The following SLC12A9 variants were observed in gnomAD, a reference collection of about 807,000 sequenced individuals.
The protein encoded by SLC12A9 is solute carrier family 12 member 9.
A neutral mutation model predicts 66.0 loss-of-function variants in SLC12A9; 55 were observed. The ratio of observed to expected loss-of-function variants is 0.83; its 90% confidence interval spans 0.67 to 1.04. SLC12A9 has a LOEUF of 1.04. SLC12A9 is among the 50% of genes least tolerant of loss of function. The pLI is 0.00. For synonymous variants in SLC12A9, 577 were observed against 569.0 expected (o/e 1.01, Z -0.20); for missense variants, 1,061 against 1,241.9 (o/e 0.85, Z 2.19).
chr7:100,846,396 C>G (rs549011564), intron 1 of SLC12A9, among the ~76,000 whole-genome samples: 1 of 152,224 alleles, frequency 6.6e-6, no homozygotes, highest in African/African-American at 2.4e-5. Context: ...GAAACCCTGT[C>G]TCTACTAAAA....
chr7:100,851,130 T>TA (rs1814062943), upstream of SLC12A9, among the ~76,000 whole-genome samples: 1 of 152,164 alleles, frequency 6.6e-6, no homozygotes, highest in Non-Finnish European at 1.5e-5. Flanking sequence ...GTCCTGAGAT[T>TA]ACAGGCGTGA....
chr7:100,861,514 C>T lies in SLC12A9; in HGVS notation c.1466C>T (p.Ala489Val). The change falls in exon 11 of 14, where the codon GCT (alanine) becomes GTT (valine). Residue 489 changes from alanine (A) to valine (V), a missense_variant. Physicochemically the swap from Ala to Val is moderately conservative, Grantham distance 64. Transcript: ENST00000354161. This position sits in a 1 kb window ranked among gnomAD's most constrained non-coding sequence, Gnocchi z 5.3. Reference sequence around the variant, plus strand: ...TCCCTGCTCCTCATGGGTCTGCTGGCTGCCCTGCTCACCGCGCGAGGAGGC... The same window carrying T: ...TCCCTGCTCCTCATGGGTCTGCTGGTTGCCCTGCTCACCGCGCGAGGAGGC... ...GGSLLLMGLL[A>V]ALLTARGGPS... 1.2e-6 allele frequency: 2 copies of T among 1,613,878 alleles called. No individual in the cohort carries two copies. The highest frequency in any genetic ancestry group is 8.5e-7 in the Non-Finnish European group (1 of 1,180,028).
At chr7:100,829,006 G>A (rs970940244) in intron 1 of SLC12A9, among the ~76,000 whole-genome samples, 1 of 134,642 alleles carries the variant, frequency 7.4e-6, no homozygotes, top group African/African-American at 2.8e-5. Context: ...TTTTTTTTTT[G>A]AGACAGAGTC....
intron 1 of SLC12A9, among the ~76,000 whole-genome samples, chr7:100,838,256 C>T (rs12531740): frequency 0.057 from 8,686 of 152,264 alleles, 1,460 homozygotes; most frequent in East Asian, 0.57. Flanking sequence ...CTGCCTCCAC[C>T]TTCCAAAGCA....
Position 100,866,402 on chromosome 7 carries a change from G to T in SLC12A9, c.2542G>T (p.Gly848Cys), listed in dbSNP as rs889042248. 9 of 1,537,550 alleles carry T rather than the reference G, an allele frequency of 5.9e-6. No individual in the cohort carries two copies. Among genetic ancestry groups the T allele is most frequent in the South Asian group, 2.4e-5 (2 of 82,234 alleles). The change falls in exon 14 of 14, where the codon GGC (glycine) becomes TGC (cysteine). Residue 848 changes from glycine (G) to cysteine (C), a missense_variant. By Grantham distance (159) the Gly-to-Cys change is radical. Transcript: ENST00000354161. The surrounding 1 kb of genome is among the most constrained non-coding windows in gnomAD (Gnocchi z 7.3). ...NALVRAQQGR[G>C]TGGGPGGPEG... Reference sequence around the variant, plus strand: ...CCTGGTTCGGGCCCAGCAGGGGCGCGGCACAGGAGGAGGGCCGGGTGGGCC... The same window carrying T: ...CCTGGTTCGGGCCCAGCAGGGGCGCTGCACAGGAGGAGGGCCGGGTGGGCC...
In SLC12A9 at chr7:100,854,600, A is replaced by C; in HGVS notation, c.182-20A>C. ...TGGGGTGTGAGTCCCCTGTGACCTG[A>C]TTTGCTGCTCCTGCCTCAGGGTTCG... On this transcript the variant is annotated intron_variant, in intron 2 of 13. Coordinates refer to ENST00000354161, the MANE Select transcript of SLC12A9 (RefSeq NM_020246.4). 2 of 1,613,610 alleles carry C rather than the reference A, an allele frequency of 1.2e-6. No individual in the cohort carries two copies. The highest frequency in any genetic ancestry group is 1.7e-6 in the Non-Finnish European group (2 of 1,179,864).
chr7:100,856,726 A>G, intron 4 of SLC12A9, 142 bp from the exon 5 acceptor site: 1 of 787,980 alleles, frequency 1.3e-6, no homozygotes. Context: ...TGCCCAGGTT[A>G]GTTTTAAACT....
At chr7:100,855,993 T>C (rs1814365466) in intron 4 of SLC12A9, 156 bp downstream of exon 4, 1 of 1,163,428 alleles carries the variant, frequency 8.6e-7, no homozygotes, top group African/African-American at 1.6e-5. Context: ...GTGCAGGAGA[T>C]ATGGACATCC....
upstream of SLC12A9, among the ~76,000 whole-genome samples, chr7:100,851,592 A>C (rs886064159): frequency 5.9e-5 from 9 of 151,834 alleles, no homozygotes; most frequent in East Asian, 1.8e-3. Flanking sequence ...CAGGAGTTCC[A>C]GAGAGGCCTG....
At position 100,866,063 on chromosome 7, in the gene SLC12A9, C is replaced by A; in HGVS notation, c.2203C>A (p.Arg735=). The A allele has an allele frequency of 1.2e-6, 2 of 1,612,938 alleles. No individual in the cohort carries two copies. Among genetic ancestry groups the A allele is most frequent in the East Asian group, 2.2e-5 (1 of 44,870 alleles). ...GTGGCCCCTCAACCTGCTGCGGCCC[C>A]GGGGTGGGCCCGGCTATGTGGATGT... ...DVWPLNLLRP[R]GGPGYVDVCG... is the part of the protein sequence containing the mutation. The change falls in exon 14 of 14, where the codon CGG becomes AGG. Residue 735 remains arginine, a synonymous_variant. Coordinates refer to ENST00000354161, the MANE Select transcript of SLC12A9 (RefSeq NM_020246.4). The surrounding 1 kb of genome is among the most constrained non-coding windows in gnomAD (Gnocchi z 7.3).
chr7:100,865,607 A>T (rs1272957186), intron 13 of SLC12A9, 112 bp from the exon 14 acceptor site: 19 of 1,562,010 alleles, frequency 1.2e-5, no homozygotes, highest in Non-Finnish European at 1.6e-5. Context: ...ACACAGTGGG[A>T]ATGTCATACC....
chr7:100,865,915 C>T lies in SLC12A9; in HGVS notation c.2055C>T (p.Ala685=). The T allele has an allele frequency of 6.2e-7, 1 of 1,613,562 alleles. No homozygotes were observed. The change falls in exon 14 of 14, where the codon GCC becomes GCT. Residue 685 remains alanine (A), a synonymous_variant. Coordinates refer to ENST00000354161, the MANE Select transcript of SLC12A9 (RefSeq NM_020246.4). ...CCCTCAATCCCCAGGACTATGTGGC[C>T]ACGGTGGCCGACGCCCTCAAGATGA... The part of the protein sequence containing the change: ...PRALNPQDYV[A]TVADALKMNK...
At chr7:100,859,235 TG>T in intron 7 of SLC12A9, 74 bp downstream of exon 7, 2 of 1,409,692 alleles carry the variant, frequency 1.4e-6, no homozygotes, top group Non-Finnish European at 9.9e-7. Context: ...AAACACAGGC[TG>T]GGGGACTGGG....
chr7:100,830,576 C>G (rs1187394180), intron 1 of SLC12A9, among the ~76,000 whole-genome samples: 2 of 151,134 alleles, frequency 1.3e-5, no homozygotes, highest in Non-Finnish European at 2.9e-5. Context: ...ACACCCCACA[C>G]CAGGCAGTAA....
chr7:100,859,250 C>A, intron 7 of SLC12A9, 89 bp downstream of exon 7: 1 of 1,274,170 alleles, frequency 7.8e-7, no homozygotes, highest in South Asian at 1.3e-5. Context: ...GACTGGGAAG[C>A]AGAAACCCAG....
intron 5 of SLC12A9, chr7:100,858,231 G>C (rs957262709): frequency 6.6e-6 from 1 of 151,296 alleles, no homozygotes; most frequent in African/African-American, 2.4e-5. Context: ...GGCCAACATG[G>C]TGAAACCCCA....
intron 9 of SLC12A9, 187 bp downstream of exon 9, chr7:100,860,419 C>T: frequency 1.6e-6 from 1 of 638,204 alleles, no homozygotes; most frequent in South Asian, 2.0e-5. Context: ...TGCCCCAGTG[C>T]TTTGCAGAGT....
rs767558570 is a variant in SLC12A9, at chr7:100,861,464, C to T, written c.1416C>T (p.Leu472=). The T allele has an allele frequency of 6.2e-7, 1 of 1,613,706 alleles. No individual in the cohort carries two copies. Among genetic ancestry groups the T allele is most frequent in the Non-Finnish European group, 8.5e-7 (1 of 1,180,034 alleles). ...GVASCLLMMF[L]ISPGAAGGSL... ...CCTCCTGCCTGCTCATGATGTTCCT[C>T]ATCAGTCCTGGCGCGGCTGGTGGCT... is the stretch of plus-strand genomic sequence containing the variant. The change falls in exon 11 of 14, where the codon CTC becomes CTT. Residue 472 remains leucine (L), a synonymous_variant. Transcript: ENST00000354161. This position sits in a 1 kb window ranked among gnomAD's most constrained non-coding sequence, Gnocchi z 5.3.
At chr7:100,839,949 C>CA (rs76035431) in intron 1 of SLC12A9, among the ~76,000 whole-genome samples, 1,558 of 84,508 alleles carry the variant, frequency 0.018, 10 homozygotes, top group Middle Eastern at 0.12. Context: ...GACTCCGTCT[C>CA]AAAAAAAAAA....
Sources: gnomAD v4.1 joint callset for allele counts (sites outside exome capture counted in the v4.1 genomes callset) on GRCh38, gnomAD v4.1.1 for gene constraint, Gnocchi (gnomAD v3.1) non-coding constraint, MANE v1.5 for transcripts, NCBI Gene and HGNC (gene_info 2026-07-23, HGNC 2026-07-21) for gene names.